Variants in IL1RAPL1 observed in about 807,000 individuals in gnomAD.
IL1RAPL1 encodes the protein interleukin-1 receptor accessory protein-like 1.
In IL1RAPL1, 3 loss-of-function variants were observed where a neutral mutation model predicts 48.4. The observed-to-expected ratio is 0.06, with a 90% CI of 0.03 to 0.16. The LOEUF (loss-of-function observed/expected upper bound fraction) is 0.16, where lower values mean the gene tolerates loss of function less well. Among genes scored for constraint, IL1RAPL1 ranks in the 10% least tolerant of loss-of-function variants. The probability of loss-of-function intolerance (pLI) is 1.00; values close to 1 mark genes in which losing one functional copy is unlikely to be tolerated. For synonymous variants in IL1RAPL1, 185 were observed against 187.7 expected (o/e 0.99, Z 0.12); for missense variants, 349 against 530.6 (o/e 0.66, Z 3.36).
intron 2 of IL1RAPL1, among the ~76,000 whole-genome samples, chrX:29,123,975 C>T (rs1203873276): frequency 9.0e-6 from 1 of 111,163 alleles, no homozygotes; most frequent in South Asian, 3.7e-4. Context: ...AATGTGGCTA[C>T]TAGAGCATCT....
chrX:29,189,276 T>C (rs980265238), intron 2 of IL1RAPL1, among the ~76,000 whole-genome samples: 1 of 112,185 alleles, frequency 8.9e-6, no homozygotes, highest in Admixed American at 9.5e-5. Flanking sequence ...ATTAATGATA[T>C]GATTTTGGAC....
At chrX:29,313,305 T>C (rs1932753270) in intron 3 of IL1RAPL1, among the ~76,000 whole-genome samples, 1 of 109,960 alleles carries the variant, frequency 9.1e-6, no homozygotes, top group Non-Finnish European at 1.9e-5. Context: ...ACATGCATTC[T>C]CACGCTCATA....
intron 2 of IL1RAPL1, among the ~76,000 whole-genome samples, chrX:29,273,267 G>A (rs1211693152): frequency 5.4e-5 from 6 of 111,766 alleles, no homozygotes; most frequent in Non-Finnish European, 1.1e-4. Flanking sequence ...GTGGGTTGAC[G>A]TTCCTTCAGT....
intron 1 of IL1RAPL1, among the ~76,000 whole-genome samples, chrX:28,656,277 T>A: frequency 9.0e-6 from 1 of 111,015 alleles, no homozygotes; most frequent in East Asian, 2.8e-4. Context: ...CTTCTCCTAC[T>A]CTTCTGATTG....
chrX:28,756,929 G>C (rs1442667220), intron 1 of IL1RAPL1, among the ~76,000 whole-genome samples: 1 of 111,371 alleles, frequency 9.0e-6, no homozygotes, highest in Non-Finnish European at 1.9e-5. Flanking sequence ...TTCCACCTCT[G>C]CTTCTCATTT....
chrX:29,682,614 T>G (rs1249951842), intron 6 of IL1RAPL1, among the ~76,000 whole-genome samples: 4 of 112,258 alleles, frequency 3.6e-5, no homozygotes, highest in African/African-American at 1.3e-4. Context: ...CTTGTTGCAT[T>G]TCGGACTCTT....
At chrX:28,831,020 C>CTCTCTCTT in intron 2 of IL1RAPL1, among the ~76,000 whole-genome samples, 2 of 65,903 alleles carry the variant, frequency 3.0e-5, no homozygotes, top group Non-Finnish European at 5.3e-5. Flanking sequence ...CTCTCTCTCT[C>CTCTCTCTT]TCTCTCTGTG....
chrX:29,160,755 A>G (rs1157248474), intron 2 of IL1RAPL1, among the ~76,000 whole-genome samples: 1 of 112,264 alleles, frequency 8.9e-6, no homozygotes, highest in Admixed American at 9.4e-5. Flanking sequence ...GTTAAACAAG[A>G]CATTGAAAAA....
At chrX:28,726,152 A>G (rs73630076) in intron 1 of IL1RAPL1, among the ~76,000 whole-genome samples, 2,097 of 111,962 alleles carry the variant, frequency 0.019, 45 homozygotes, top group African/African-American at 0.065. Flanking sequence ...GACAGTTTTG[A>G]TGATCATTCT....
chrX:29,814,523 C>T (rs1930448948), intron 6 of IL1RAPL1, among the ~76,000 whole-genome samples: 1 of 111,385 alleles, frequency 9.0e-6, no homozygotes, highest in South Asian at 3.7e-4. Flanking sequence ...TTTTCCCATT[C>T]TGTAGGTTGT....
chrX:28,867,403 C>T (rs781598094), intron 2 of IL1RAPL1, among the ~76,000 whole-genome samples: 4 of 111,645 alleles, frequency 3.6e-5, no homozygotes, highest in East Asian at 2.8e-4. Flanking sequence ...TTGAGCCAGG[C>T]GGCAGAAGTT....
At chrX:28,797,091 G>A (rs1018428471) in intron 2 of IL1RAPL1, among the ~76,000 whole-genome samples, 6 of 112,243 alleles carry the variant, frequency 5.3e-5, no homozygotes, top group Non-Finnish European at 1.1e-4. Flanking sequence ...TTCAGCCACA[G>A]CTGGAGCAGC....
intron 5 of IL1RAPL1, among the ~76,000 whole-genome samples, chrX:29,647,957 A>G (rs1383564665): frequency 1.8e-5 from 2 of 112,005 alleles, no homozygotes; most frequent in Non-Finnish European, 3.8e-5. Context: ...AAGTATGAAA[A>G]AGATATTGCA....
At chrX:28,869,402 G>A (rs1922152899) in intron 2 of IL1RAPL1, among the ~76,000 whole-genome samples, 1 of 111,362 alleles carries the variant, frequency 9.0e-6, no homozygotes, top group Non-Finnish European at 1.9e-5. Flanking sequence ...TTATATCATT[G>A]TTGAATTATT....
At chrX:29,459,368 A>T (rs1339723330) in intron 5 of IL1RAPL1, among the ~76,000 whole-genome samples, 1 of 111,933 alleles carries the variant, frequency 8.9e-6, no homozygotes, top group African/African-American at 3.2e-5. Context: ...CAGTACCAGG[A>T]TGAGGAACTT....
chrX:28,674,272 A>T (rs6630725), intron 1 of IL1RAPL1, among the ~76,000 whole-genome samples: 32 of 110,045 alleles, frequency 2.9e-4, no homozygotes, highest in Admixed American at 8.7e-4. Context: ...AACCCAAAAC[A>T]ACATTAAAAT....
Position 28,958,666 on chromosome X carries a change from T to G in IL1RAPL1, c.82+169241T>G, listed in dbSNP as rs1010416854. ...TAGATGGTAAGGCAGCTAAAGAATT[T>G]TGCAAAACTCCTCTAACTTCAAACC... On this transcript the variant is annotated intron_variant, in intron 2 of 10. Transcript: ENST00000378993. Among the ~76,000 whole-genome samples the G allele has an allele frequency of 2.7e-5, 3 of 111,382 alleles. No individual in the cohort carries two copies. The Admixed American group carries it at 2.9e-4, about 11-fold the overall frequency.
intron 6 of IL1RAPL1, among the ~76,000 whole-genome samples, chrX:29,881,275 C>T (rs1932026004): frequency 9.0e-6 from 1 of 111,125 alleles, no homozygotes; most frequent in South Asian, 3.8e-4. Flanking sequence ...GGGAGCAGGA[C>T]ACTGAATTGA....
rs1441519095 is a variant in IL1RAPL1, at chrX:29,586,787, G to C, written c.704-81643G>C. 3.6e-5 allele frequency among the ~76,000 whole-genome samples: 4 copies of C among 110,324 alleles called. No individual in the cohort carries two copies. The East Asian group carries it at 1.1e-3, about 31-fold the overall frequency. ...ATTCCTAAGTATTTTGTTGTTTTTG[G>C]TGCTAATGTAAATGGGATTATTTTA... On this transcript the variant is annotated intron_variant, in intron 5 of 10. Transcript: ENST00000378993.
Sources: gnomAD v4.1 joint callset for allele counts (sites outside exome capture counted in the v4.1 genomes callset) on GRCh38, gnomAD v4.1.1 for gene constraint, MANE v1.5 for transcripts, NCBI Gene and HGNC (gene_info 2026-07-23, HGNC 2026-07-21) for gene names.